Variants in COL20A1 observed in about 807,000 individuals in gnomAD.
COL20A1 encodes the protein collagen alpha-1(XX) chain.
COL20A1 carries 164 observed loss-of-function variants against 152.9 expected under a neutral mutation model. The ratio of observed to expected loss-of-function variants is 1.07; its 90% CI spans 0.94 to 1.22. The LOEUF (loss-of-function observed/expected upper bound fraction) is 1.22, where lower values mean the gene tolerates loss of function less well. Ranked by LOEUF, COL20A1 falls within the 50% of genes most tolerant of loss-of-function variation. The pLI, the probability that COL20A1 is intolerant of heterozygous loss-of-function variation, is 0.00. For synonymous variants in COL20A1, 864 were observed against 756.0 expected, an observed-to-expected ratio of 1.14 and a Z score of -2.34; for missense variants, 1,873 against 1,744.8, an observed-to-expected ratio of 1.07 and a Z score of -1.31.
At position 63,313,878 on chromosome 20, in the gene COL20A1, G is replaced by A. The variant is rs199924678; in HGVS notation, c.2345G>A (p.Gly782Glu). The change falls in exon 18 of 36, where the codon GGA (glycine) becomes GAA (glutamate). Residue 782 changes from glycine (G) to glutamate (E), a missense_variant. Coordinates refer to ENST00000358894, the MANE Select transcript of COL20A1 (RefSeq NM_020882.4). The surrounding 1 kb of genome is among the most constrained non-coding windows in gnomAD (Gnocchi z 5.9). ...WLTYAPASGL[G>E]PEKSVSVPGA... Reference sequence around the variant, plus strand: ...ACCTACGCCCCCGCCTCTGGCTTGGGACCCGAGAAATCCGTGAGTCTTGGT... The same window carrying A: ...ACCTACGCCCCCGCCTCTGGCTTGGAACCCGAGAAATCCGTGAGTCTTGGT... 55 of 1,603,610 alleles carry A rather than the reference G, an allele frequency of 3.4e-5. No individual in the cohort carries two copies. The Middle Eastern group carries it at 6.7e-4, about 19-fold the overall frequency.
intron 10 of COL20A1, 119 bp from the exon 11 acceptor site, chr20:63,310,262 G>A: frequency 8.9e-7 from 1 of 1,117,638 alleles, no homozygotes; most frequent in Non-Finnish European, 1.3e-6. Context: ...AGGCCTGTGG[G>A]AAGTGGGGCA....
intron 3 of COL20A1, among the ~76,000 whole-genome samples, chr20:63,304,740 G>C (rs975500395): frequency 1.1e-4 from 16 of 142,508 alleles, no homozygotes; most frequent in South Asian, 7.4e-4. Context: ...TCCCTCCCTC[G>C]AGGTGTGCAA....
chr20:63,320,410 G>A (rs777106252), intron 25 of COL20A1, 42 bp downstream of exon 25: 67 of 1,586,198 alleles, frequency 4.2e-5, no homozygotes, highest in Admixed American at 2.5e-4. Flanking sequence ...AGCAAGTTAG[G>A]GCAAGTGCCC....
Position 63,313,530 on chromosome 20 carries a change from C to T in COL20A1, c.2210-213C>T, listed in dbSNP as rs548897633. Among the ~76,000 whole-genome samples the T allele has an allele frequency of 2.6e-5, 4 of 152,038 alleles. No homozygotes were observed. The highest frequency in any genetic ancestry group is 3.9e-4 in the East Asian group (2 of 5,166). On this transcript the variant is annotated intron_variant, in intron 17 of 35. Coordinates refer to ENST00000358894, the MANE Select transcript of COL20A1 (RefSeq NM_020882.4). This position sits in a 1 kb window ranked among gnomAD's most constrained non-coding sequence, Gnocchi z 5.9. ...GTATGGTGAGGGCCCTGGCAGGTGG[C>T]GTGGTGTGGGTGTGGTGGGGTGCGG...
Position 63,316,592 on chromosome 20 carries a change from C to G in COL20A1, c.2564C>G (p.Ala855Gly). The G allele has an allele frequency of 1.3e-6, 2 of 1,588,436 alleles. No homozygotes were observed. Among genetic ancestry groups the G allele is most frequent in the Non-Finnish European group, 1.7e-6 (2 of 1,167,544 alleles). The change falls in exon 21 of 36, where the codon GCT becomes GGT. Residue 855 changes from alanine (A) to glycine (G), a missense_variant. Coordinates refer to ENST00000358894, the MANE Select transcript of COL20A1 (RefSeq NM_020882.4). Reference protein sequence around the residue: ...LMVAFSLVEKAYASIRGVAME... With the variant: ...LMVAFSLVEKGYASIRGVAME... ...GTGGCCTTCAGCCTGGTGGAAAAGG[C>G]TTATGCGTCCATCCGGGGCGTGGCC...
intron 6 of COL20A1, 49 bp downstream of exon 6, chr20:63,307,697 A>G: frequency 3.8e-6 from 6 of 1,579,256 alleles, no homozygotes; most frequent in Non-Finnish European, 5.2e-6. Flanking sequence ...TGTGGTCCCC[A>G]CAGCTCTGCC....
intron 3 of COL20A1, among the ~76,000 whole-genome samples, chr20:63,299,067 G>A (rs1026172016): frequency 1.3e-5 from 2 of 152,224 alleles, no homozygotes; most frequent in African/African-American, 4.8e-5. Flanking sequence ...TGGGCATTTT[G>A]TGAGGTTTGC....
rs780102628 is a variant in COL20A1, at chr20:63,308,598, C to T, written c.832C>T (p.Pro278Ser). The T allele has an allele frequency of 5.0e-6, 8 of 1,605,094 alleles. No individual in the cohort carries two copies. In the African/African-American group the frequency reaches 8.0e-5, roughly 16 times the overall value. Residue 278 changes from proline (P) to serine (S), a missense_variant, in exon 8 of 36, where the codon CCA (proline) becomes TCA (serine). By Grantham distance (74) the Pro-to-Ser change is moderately conservative. Transcript: ENST00000358894. ...QNLQPAAGLRPEAAKVVILVT... is the reference protein window; with the variant it reads ...QNLQPAAGLRSEAAKVVILVT... The stretch of plus-strand genomic sequence containing the variant: ...CCTGCAGCCGGCGGCTGGCCTCCGT[C>T]CAGAGGCAGCCAAGGTGGTGATTCT...
rs867347401 is a variant in COL20A1 at position 63,315,410 on chromosome 20, C to T, written c.2495C>T (p.Pro832Leu). 1 of 1,577,546 alleles carries T rather than the reference C, an allele frequency of 6.3e-7. No homozygotes were observed. The highest frequency in any genetic ancestry group is 1.3e-5 in the African/African-American group (1 of 74,498). Residue 832 changes from proline (P) to leucine (L), a missense_variant, in exon 20 of 36, where the codon CCA becomes CTA. Physicochemically the swap from Pro to Leu is moderately conservative, Grantham distance 98 (BLOSUM62 -3). Transcript: ENST00000358894. ...CCCTGTCTCCTCTCAGCAGCCTGCCCAGCCCTCCGCCCTGACGGCTCCCTC... is the reference window on the plus strand; with the variant it reads ...CCCTGTCTCCTCTCAGCAGCCTGCCTAGCCCTCCGCCCTGACGGCTCCCTC... ...AVSATGQTACPALRPDGSLPG... is the reference protein window; with the variant it reads ...AVSATGQTACLALRPDGSLPG...
intron 25 of COL20A1, 122 bp from the exon 26 acceptor site, chr20:63,320,891 C>T: frequency 2.8e-6 from 2 of 724,068 alleles, no homozygotes; most frequent in Non-Finnish European, 4.6e-6. Flanking sequence ...TCGCCCCTGC[C>T]TCCCAGGTGC....
At position 63,326,786 on chromosome 20, in the gene COL20A1, G is replaced by C. The variant is rs768909100; in HGVS notation, c.3491G>C (p.Ser1164Thr). 6.7e-7 allele frequency: 1 copy of C among 1,500,566 alleles called. No individual in the cohort carries two copies. Among genetic ancestry groups the C allele is most frequent in the Admixed American group, 2.9e-5 (1 of 34,814 alleles). 93.0% of individuals were successfully genotyped at this position (1,500,566 alleles called of 1,614,324 possible). Residue 1164 changes from serine (S) to threonine (T), a missense_variant, in exon 31 of 36, where the codon AGT (serine) becomes ACT (threonine). Transcript: ENST00000358894. ...FQGMAGARGT[S>T]GERGPPGTVG... ...GGCATGGCAGGGGCCAGGGGCACTAGTGGAGAGCGAGGACCTCCAGGGACC... is the reference window on the plus strand; with the variant it reads ...GGCATGGCAGGGGCCAGGGGCACTACTGGAGAGCGAGGACCTCCAGGGACC...
intron 30 of COL20A1, among the ~76,000 whole-genome samples, 159 bp from the exon 31 acceptor site, chr20:63,326,593 C>T (rs1223486605): frequency 6.6e-6 from 1 of 152,122 alleles, no homozygotes; most frequent in East Asian, 1.9e-4. Flanking sequence ...AGGGGAGGCA[C>T]CACCTGCCGG....
At chr20:63,315,602 G>A (rs980705787) in intron 20 of COL20A1, among the ~76,000 whole-genome samples, 163 bp downstream of exon 20, 2 of 152,252 alleles carry the variant, frequency 1.3e-5, no homozygotes, top group African/African-American at 2.4e-5. Flanking sequence ...CTGGCTGGGC[G>A]GTGGTTATTC....
chr20:63,330,269 C>T (rs532155230), intron 35 of COL20A1, among the ~76,000 whole-genome samples: 5 of 152,220 alleles, frequency 3.3e-5, no homozygotes, highest in Admixed American at 1.3e-4. Context: ...AGCACAACTC[C>T]GGCCTCAAGT....
chr20:63,315,476 C>A, intron 20 of COL20A1, 37 bp downstream of exon 20: 1 of 1,540,276 alleles, frequency 6.5e-7, no homozygotes, highest in South Asian at 1.2e-5. Context: ...TGCCCACCCA[C>A]AGTCTCTCGG....
At chr20:63,318,367 C>T (rs368542866) in intron 21 of COL20A1, among the ~76,000 whole-genome samples, 20 of 147,378 alleles carry the variant, frequency 1.4e-4, no homozygotes, top group African/African-American at 2.7e-4. Flanking sequence ...TAGGAGGCTA[C>T]GGCCATTGGG....
chr20:63,314,920 T>C (rs1312493699), intron 19 of COL20A1, among the ~76,000 whole-genome samples: 9 of 128,846 alleles, frequency 7.0e-5, no homozygotes, highest in Middle Eastern at 3.8e-3. Flanking sequence ...CCCCAGGACA[T>C]GCGTGTCCCC....
Position 63,307,981 on chromosome 20 carries a change from G to A in COL20A1, c.666G>A (p.Gln222=), listed in dbSNP as rs201264923. Residue 222 remains glutamine, a synonymous_variant, in exon 7 of 36, where the codon CAG becomes CAA. Transcript: ENST00000358894. ...GPDKVQVGLT[Q]YSGDAQTEWD... ...GCCCCTGCTCCCCAGGCCTGACTCA[G>A]TACAGCGGGGATGCTCAGACTGAGT... 3.5e-4 allele frequency: 570 copies of A among 1,612,624 alleles called. 2 individuals are homozygous for A. Among genetic ancestry groups the A allele is most frequent in the Middle Eastern group, 3.3e-3 (20 of 6,058 alleles).
At position 63,312,802 on chromosome 20, in the gene COL20A1, C is replaced by T. The variant is rs1187486799; in HGVS notation, c.1944C>T (p.Pro648=). The T allele has an allele frequency of 6.5e-7, 1 of 1,548,574 alleles. No homozygotes were observed. Among genetic ancestry groups the T allele is most frequent in the Non-Finnish European group, 8.8e-7 (1 of 1,141,940 alleles). The change falls in exon 16 of 36, where the codon CCC becomes CCT. Residue 648 remains proline (P), a synonymous_variant. Coordinates refer to ENST00000358894, the MANE Select transcript of COL20A1 (RefSeq NM_020882.4). ...LTGRVTTKKA[P]SPSQLSMTEL... is the part of the protein sequence containing the mutation. ...CTCCACTTCCTTCAGAGAAAGCTCC[C>T]AGCCCAAGCCAGCTGTCCATGACGG...
Sources: gnomAD v4.1 joint callset for allele counts (sites outside exome capture counted in the v4.1 genomes callset) on GRCh38, gnomAD v4.1.1 for gene constraint, Gnocchi (gnomAD v3.1) non-coding constraint, MANE v1.5 for transcripts, NCBI Gene and HGNC (gene_info 2026-07-23, HGNC 2026-07-21) for gene names.